STRA6: variants seen among roughly 807,000 people sequenced by gnomAD.
STRA6 encodes the protein receptor for retinol uptake STRA6.
STRA6 carries 48 observed loss-of-function variants against 83.6 expected under a neutral mutation model. That is an observed-to-expected ratio of 0.57 (90% CI 0.46 to 0.73). STRA6 has a LOEUF of 0.73. Ranked by LOEUF, STRA6 falls within the 30% of genes least tolerant of loss-of-function variation. The probability of loss-of-function intolerance (pLI) is 0.00; values close to 1 mark genes in which losing one functional copy is unlikely to be tolerated. For missense variants in STRA6, 760 were observed against 838.8 expected, an observed-to-expected ratio of 0.91 and a Z score of 1.16; for synonymous variants, 353 against 362.3, an observed-to-expected ratio of 0.97 and a Z score of 0.29.
chr15:74,203,709 G>T (rs1344142347), upstream of STRA6, among the ~76,000 whole-genome samples: 1 of 152,246 alleles, frequency 6.6e-6, no homozygotes, highest in African/African-American at 2.4e-5. Flanking sequence ...CGGGGACACA[G>T]CCAGATAACT....
rs1367215268 is a variant in STRA6, at chr15:74,182,466, A to T, written c.1301-6T>A. ...GATCTGCTGCACCAGGAGCCCTGCCAGGGGCGGGAGTGGCAGGGGGACAGA... is the reference window on the plus strand; with the variant it reads ...GATCTGCTGCACCAGGAGCCCTGCCTGGGGCGGGAGTGGCAGGGGGACAGA... On this transcript the variant is annotated splice_polypyrimidine_tract_variant and splice_region_variant and intron_variant, in intron 14 of 18. Transcript: ENST00000395105. 6.2e-7 allele frequency: 1 copy of T among 1,604,598 alleles called. No homozygotes were observed.
chr15:74,181,203 T>C, intron 17 of STRA6, 92 bp downstream of exon 17: 1 of 1,557,632 alleles, frequency 6.4e-7, no homozygotes, highest in Non-Finnish European at 8.7e-7. Context: ...CGGTGTGAAC[T>C]GATCAGCTGG....
intron 12 of STRA6, among the ~76,000 whole-genome samples, 185 bp from the exon 13 acceptor site, chr15:74,185,240 C>G (rs1301871725): frequency 6.6e-6 from 1 of 152,226 alleles, no homozygotes; most frequent in African/African-American, 2.4e-5. Flanking sequence ...CTTCGGCCAC[C>G]CCATTCTTCC....
At chr15:74,202,899 C>G (rs946726399), upstream of STRA6, 5 of 993,646 alleles carry the variant, frequency 5.0e-6, no homozygotes, top group Middle Eastern at 5.1e-4. Context: ...CTTGACAAAG[C>G]CCCCCTCCTG....
intron 14 of STRA6, chr15:74,182,841 T>TA: frequency 3.4e-6 from 1 of 293,132 alleles, no homozygotes; most frequent in Non-Finnish European, 6.6e-6. Flanking sequence ...GAGCCTGGCA[T>TA]ACGGTAGGTG....
chr15:74,194,308 A>T, intron 7 of STRA6: 1 of 1,146,640 alleles, frequency 8.7e-7, no homozygotes. Flanking sequence ...TTTCAACCTG[A>T]GCATCAGGAA....
At position 74,191,418 on chromosome 15, in the gene STRA6, C is replaced by T. The variant is rs1201402848; in HGVS notation, c.788+6G>A. The T allele has an allele frequency of 7.4e-6, 12 of 1,613,796 alleles. No homozygotes were observed. The highest frequency in any genetic ancestry group is 1.0e-5 in the Non-Finnish European group (12 of 1,179,776). ...TGGCCCACAAAGGGTGTGTCAGAGA[C>T]CCCACCTGCTTCCCAGCTTCTTCCT... On this transcript the variant is annotated splice_donor_region_variant and intron_variant, in intron 9 of 18. Coordinates refer to ENST00000395105, the MANE Select transcript of STRA6 (RefSeq NM_022369.4).
upstream of STRA6, among the ~76,000 whole-genome samples, chr15:74,211,120 CAG>C (rs1273288620): frequency 7.5e-6 from 1 of 132,774 alleles, no homozygotes; most frequent in African/African-American, 2.6e-5. Flanking sequence ...GAAGTTTTGC[CAG>C]AGATTCCCCC....
intron 5 of STRA6, 105 bp from the exon 6 acceptor site, chr15:74,195,780 C>A (rs1243076958): frequency 2.1e-5 from 18 of 868,020 alleles, no homozygotes; most frequent in Non-Finnish European, 2.5e-5. Context: ...TAAGATACTA[C>A]TTCCCTGGCT....
intron 8 of STRA6, 43 bp from the exon 9 acceptor site, chr15:74,191,534 G>T: frequency 5.7e-6 from 9 of 1,565,908 alleles, no homozygotes; most frequent in Non-Finnish European, 7.9e-6. Context: ...GATCTGCCTC[G>T]ACCCATTCGT....
In STRA6 at chr15:74,195,347, A is replaced by G; in HGVS notation, c.552T>C (p.Leu184=). 6.2e-7 allele frequency: 1 copy of G among 1,613,518 alleles called. No homozygotes were observed. The highest frequency in any genetic ancestry group is 1.3e-5 in the African/African-American group (1 of 75,032). Residue 184 remains leucine, a synonymous_variant, in exon 7 of 19, where the codon CTT becomes CTC. Transcript: ENST00000395105. The stretch of plus-strand genomic sequence containing the variant: ...CTGCCCTCTGCCAGACCTGGACCCC[A>G]AGGTGGGCCCAGGACAGCGTGCTGC... ...LLGSTLSWAH[L]GVQVWQRAEC...
intron 2 of STRA6, among the ~76,000 whole-genome samples, chr15:74,199,487 C>T (rs575247783): frequency 2.9e-4 from 44 of 152,284 alleles, no homozygotes; most frequent in Admixed American, 6.5e-5. Context: ...CCCTCTCAGC[C>T]GGCATCTCCC....
chr15:74,184,693 A>G (rs1381746230), intron 13 of STRA6, among the ~76,000 whole-genome samples: 1 of 151,886 alleles, frequency 6.6e-6, no homozygotes, highest in Non-Finnish European at 1.5e-5. Flanking sequence ...CATCCAGCCC[A>G]CCCGGTGGCC....
At chr15:74,192,663 C>T (rs1469151164) in intron 8 of STRA6, among the ~76,000 whole-genome samples, 1 of 152,222 alleles carries the variant, frequency 6.6e-6, no homozygotes, top group Non-Finnish European at 1.5e-5. Context: ...CCACCACCTA[C>T]CTGCTGGCTG....
rs747166564 is a variant in STRA6, at chr15:74,189,092, C to A, written c.1090+23G>T. ...CGCTTTCATTCCCCACTGCAGCCCT[C>A]AGGGGCTCCCTGGAGGCCTCACCTT... On this transcript the variant is annotated intron_variant, in intron 12 of 18. Transcript: ENST00000395105. The A allele has an allele frequency of 1.9e-5, 30 of 1,613,484 alleles. No individual in the cohort carries two copies. The African/African-American group carries it at 2.9e-4, about 16-fold the overall frequency.
intron 2 of STRA6, among the ~76,000 whole-genome samples, chr15:74,199,608 T>C (rs1193621773): frequency 6.6e-6 from 1 of 152,150 alleles, no homozygotes; most frequent in Non-Finnish European, 1.5e-5. Flanking sequence ...AAACCACCCC[T>C]ACCCCCAGAA....
At chr15:74,191,143 C>T (rs751940686) in intron 10 of STRA6, 24 bp downstream of exon 10, 36 of 1,612,860 alleles carry the variant, frequency 2.2e-5, no homozygotes, top group East Asian at 4.5e-5. Flanking sequence ...CTGTCACGCT[C>T]GGCCTCAGCT....
intron 8 of STRA6, among the ~76,000 whole-genome samples, chr15:74,192,746 G>T (rs2073608896): frequency 6.6e-6 from 1 of 152,198 alleles, no homozygotes; most frequent in Non-Finnish European, 1.5e-5. Context: ...TGGCCTCTAT[G>T]TCTTAAGACT....
At chr15:74,207,807 C>T in intron 1 of STRA6, 1 of 1,535,594 alleles carries the variant, frequency 6.5e-7, no homozygotes, top group East Asian at 2.4e-5. Context: ...CACTCACACA[C>T]ACATCCAACT....
Sources: allele counts gnomAD v4.1 joint callset (sites outside exome capture counted in the v4.1 genomes callset), GRCh38; gene constraint gnomAD v4.1.1; transcripts MANE v1.5; gene names NCBI Gene and HGNC (gene_info 2026-07-23, HGNC 2026-07-21).